BSPRY: variants seen among roughly 807,000 people sequenced by gnomAD.
BSPRY encodes the protein B box and SPRY domain-containing protein.
Under a neutral mutation model 38.0 loss-of-function variants are expected in BSPRY, and 33 were observed. The ratio of observed to expected loss-of-function variants is 0.87; its 90% CI spans 0.66 to 1.16. The LOEUF is 1.16. BSPRY is among the 50% of genes most tolerant of loss of function. BSPRY has a pLI of 0.00. For synonymous variants in BSPRY, 224 were observed against 228.5 expected, an observed-to-expected ratio of 0.98 and a Z score of 0.18; for missense variants, 523 against 533.2, an observed-to-expected ratio of 0.98 and a Z score of 0.19.
At chr9:113,354,209 C>G (rs1834019988) in intron 1 of BSPRY, 31 bp from the exon 2 acceptor site, 5 of 1,591,908 alleles carry the variant, frequency 3.1e-6, no homozygotes, top group Non-Finnish European at 4.3e-6. Flanking sequence ...GTACATGGAC[C>G]AAGATGCCAC....
At position 113,349,730 on chromosome 9, in the gene BSPRY, T is replaced by C; in HGVS notation, c.151T>C (p.Cys51Arg). Reference protein sequence around the residue: ...CAACAGLGGRCRGHRIRRAEE... With the variant: ...CAACAGLGGRRRGHRIRRAEE... ...CGCCTGCGCGGGGTTGGGCGGTCGC[T>C]GCCGGGGGCACCGCATCCGCCGGGC... Residue 51 changes from cysteine (C) to arginine (R), a missense_variant, in exon 1 of 6, where the codon TGC becomes CGC. By Grantham distance (180) the Cys-to-Arg change is radical. Coordinates refer to ENST00000374183, the MANE Select transcript of BSPRY (RefSeq NM_017688.3). The C allele has an allele frequency of 8.1e-7, 1 of 1,239,460 alleles. No homozygotes were observed. Among genetic ancestry groups the C allele is most frequent in the Non-Finnish European group, 1.0e-6 (1 of 993,680 alleles). 76.8% of individuals were successfully genotyped at this position (1,239,460 alleles called of 1,614,324 possible).
At position 113,360,698 on chromosome 9, in the gene BSPRY, G is replaced by C; in HGVS notation, c.492G>C (p.Leu164=). 1 of 1,602,378 alleles carries C rather than the reference G, an allele frequency of 6.2e-7. No homozygotes were observed. The highest frequency in any genetic ancestry group is 8.5e-7 in the Non-Finnish European group (1 of 1,175,548). The change falls in exon 3 of 6, where the codon CTG becomes CTC. Residue 164 remains leucine, a synonymous_variant. Transcript: ENST00000374183. ...LQKLDTIRTG[L]VGMLTHLDDL... Reference sequence around the variant, plus strand: ...AACTTGACACCATCCGCACTGGCCTGGTGGGCATGCTTACTCACCTGGATG... The same window carrying C: ...AACTTGACACCATCCGCACTGGCCTCGTGGGCATGCTTACTCACCTGGATG...
At chr9:113,363,459 A>G (rs377643808) in intron 4 of BSPRY, among the ~76,000 whole-genome samples, 158 of 152,202 alleles carry the variant, frequency 1.0e-3, no homozygotes, top group Non-Finnish European at 2.0e-3. Flanking sequence ...AGAAAAAAGA[A>G]AAAGAAAAAT....
chr9:113,368,129 TG>T, intron 4 of BSPRY, 129 bp from the exon 5 acceptor site: 1 of 1,182,078 alleles, frequency 8.5e-7, no homozygotes, highest in Non-Finnish European at 1.2e-6. Flanking sequence ...CCACTGCACC[TG>T]GCCCTAGCTG....
intron 4 of BSPRY, among the ~76,000 whole-genome samples, chr9:113,365,949 C>A (rs2418250): frequency 0.15 from 22,885 of 151,906 alleles, 2,190 homozygotes; most frequent in Non-Finnish European, 0.21. Context: ...GGATTACAGG[C>A]ATGTGTCACC....
intron 4 of BSPRY, among the ~76,000 whole-genome samples, chr9:113,362,871 C>T (rs904672909): frequency 6.6e-6 from 1 of 152,138 alleles, no homozygotes; most frequent in Non-Finnish European, 1.5e-5. Flanking sequence ...TTTAGCTCTT[C>T]AGTAATAAAA....
At position 113,352,461 on chromosome 9, in the gene BSPRY, G is replaced by C. The variant is rs563609609; in HGVS notation, c.202-1779G>C. On this transcript the variant is annotated intron_variant, in intron 1 of 5. Transcript: ENST00000374183. ...AGACCTCTCTGAAGAGATGACATCT[G>C]AATGCAGTTGGGGAGTGAGACACAC... Among the ~76,000 whole-genome samples, 7 of 133,408 alleles carry C rather than the reference G, an allele frequency of 5.2e-5. No homozygotes were observed. The South Asian group carries it at 1.7e-3, about 32-fold the overall frequency. The allele number at this position is 133,408 out of a possible 152,430, so 87.5% of individuals were successfully genotyped here. A position where few individuals can be genotyped will look rare whatever the true frequency, so the allele number is the denominator to read the frequency against.
chr9:113,356,006 T>G (rs1251151489), intron 2 of BSPRY, among the ~76,000 whole-genome samples: 1 of 152,218 alleles, frequency 6.6e-6, no homozygotes, highest in African/African-American at 2.4e-5. Context: ...ATGTGCCAGA[T>G]ACTGTTGTTC....
rs748091270 is a variant in BSPRY, at chr9:113,369,754, A to G, written c.821A>G (p.Asn274Ser). ...CCGGAGCGCTTCGACCACTGGCCCA[A>G]TGCCCTGGCTGCCACCTCCTTCCAG... is the stretch of plus-strand genomic sequence containing the variant. The part of the protein sequence containing the change: ...DGPERFDHWP[N>S]ALAATSFQNG... The change falls in exon 6 of 6, where the codon AAT becomes AGT. Residue 274 changes from asparagine to serine, a missense_variant. Transcript: ENST00000374183. The G allele has an allele frequency of 6.6e-5, 106 of 1,614,106 alleles. No homozygotes were observed. The highest frequency in any genetic ancestry group is 8.4e-5 in the Non-Finnish European group (99 of 1,180,042).
intron 1 of BSPRY, 28 bp downstream of exon 1, chr9:113,349,808 AGGGCTCCGGAGACCCC>A: frequency 8.2e-7 from 1 of 1,217,928 alleles, no homozygotes; most frequent in Non-Finnish European, 1.0e-6. Context: ...CCGGAAGGCG[AGGGCTCCGGAGACCCC>A]GGGCGCGCCT....
chr9:113,355,428 A>G (rs1475372926), intron 2 of BSPRY, among the ~76,000 whole-genome samples: 1 of 152,102 alleles, frequency 6.6e-6, no homozygotes, highest in African/African-American at 2.4e-5. Flanking sequence ...TAGACCAGGA[A>G]CCAGAAAGCT....
chr9:113,354,090 G>A (rs1834016696), intron 1 of BSPRY, 150 bp from the exon 2 acceptor site: 2 of 634,248 alleles, frequency 3.2e-6, no homozygotes, highest in African/African-American at 1.8e-5. Context: ...TGGAGATTTA[G>A]GAGGTGGTAC....
At chr9:113,362,971 A>T (rs1224482798) in intron 4 of BSPRY, among the ~76,000 whole-genome samples, 1 of 152,262 alleles carries the variant, frequency 6.6e-6, no homozygotes, top group Non-Finnish European at 1.5e-5. Context: ...AGAGTAATTC[A>T]CAAACCTTCT....
intron 2 of BSPRY, among the ~76,000 whole-genome samples, chr9:113,359,229 G>C (rs1371010373): frequency 1.3e-5 from 2 of 152,110 alleles, no homozygotes; most frequent in Non-Finnish European, 2.9e-5. Context: ...GGGAAGATAA[G>C]GAATATGTTC....
intron 2 of BSPRY, among the ~76,000 whole-genome samples, chr9:113,358,409 C>T (rs1019358370): frequency 6.6e-6 from 1 of 151,960 alleles, no homozygotes. Flanking sequence ...ACTGGGATTA[C>T]AGGCTCCCAC....
At chr9:113,367,016 G>A (rs1225051159) in intron 4 of BSPRY, among the ~76,000 whole-genome samples, 1 of 152,186 alleles carries the variant, frequency 6.6e-6, no homozygotes, top group African/African-American at 2.4e-5. Flanking sequence ...TAGGTCAAAA[G>A]GCTGCAAAGC....
chr9:113,353,705 AAAAT>A (rs913421461), intron 1 of BSPRY, among the ~76,000 whole-genome samples: 25 of 152,164 alleles, frequency 1.6e-4, no homozygotes, highest in African/African-American at 6.0e-4. Context: ...TCTGCCTCAA[AAAAT>A]AAATAAATAA....
At chr9:113,351,346 G>T (rs2118901211) in intron 1 of BSPRY, among the ~76,000 whole-genome samples, 1 of 152,188 alleles carries the variant, frequency 6.6e-6, no homozygotes, top group African/African-American at 2.4e-5. Flanking sequence ...TATCCATCCA[G>T]TCAGCAAATA....
chr9:113,361,509 G>A (rs999716688), intron 3 of BSPRY, among the ~76,000 whole-genome samples: 1 of 152,206 alleles, frequency 6.6e-6, no homozygotes, highest in Non-Finnish European at 1.5e-5. Flanking sequence ...ATTAGGATAT[G>A]GAAGGATATG....
Sources: allele counts gnomAD v4.1 joint callset (sites outside exome capture counted in the v4.1 genomes callset), GRCh38; gene constraint gnomAD v4.1.1; transcripts MANE v1.5; gene names NCBI Gene and HGNC (gene_info 2026-07-23, HGNC 2026-07-21).